Variants in TRIM4 observed in about 807,000 individuals in gnomAD.
TRIM4 encodes tripartite motif containing 4.
A neutral mutation model predicts 33.7 loss-of-function variants in TRIM4; 29 were observed. That is an observed-to-expected ratio of 0.86 (90% CI 0.64 to 1.17). The LOEUF (loss-of-function observed/expected upper bound fraction) is 1.17. TRIM4 is among the 50% of genes most tolerant of loss of function. The pLI is 0.00. For missense variants in TRIM4, 554 were observed against 593.7 expected, an observed-to-expected ratio of 0.93 and a Z score of 0.69; for synonymous variants, 224 against 233.0, an observed-to-expected ratio of 0.96 and a Z score of 0.35.
intron 3 of TRIM4, among the ~76,000 whole-genome samples, chr7:99,906,552 T>C (rs1332519751): frequency 2.0e-5 from 3 of 152,180 alleles, no homozygotes; most frequent in Admixed American, 2.0e-4. Flanking sequence ...TGTCAAAATC[T>C]GTGGAATACA....
In TRIM4 at chr7:99,908,755, A is replaced by G. The variant is rs200389520; in HGVS notation, c.547T>C (p.Phe183Leu). Residue 183 changes from phenylalanine (F) to leucine (L), a missense_variant, in exon 3 of 6, where the codon TTC becomes CTC. By Grantham distance (22) the Phe-to-Leu change is conservative. Around this residue, in one of 3 missense-constraint regions of TRIM4, gnomAD observed 31 missense variants for 54.8 expected, o/e 0.57. Coordinates refer to ENST00000349062, the MANE Select transcript of TRIM4 (RefSeq NM_033091.3). The part of the protein sequence containing the change: ...ISTEFSKLHN[F>L]LVEEEDLFLQ... ...AACAGGTCCTCTTCTTCAACCAGGA[A>G]GTTGTGCAGCTTTGAAAACTCCGTG... The G allele has an allele frequency of 1.5e-5, 24 of 1,614,060 alleles. No homozygotes were observed. The highest frequency in any genetic ancestry group is 1.9e-5 in the Non-Finnish European group (23 of 1,180,040).
At chr7:99,895,331 C>G (rs1818992463) in intron 5 of TRIM4, among the ~76,000 whole-genome samples, 2 of 152,054 alleles carry the variant, frequency 1.3e-5, no homozygotes, top group Non-Finnish European at 2.9e-5. Context: ...ACTAAAAAGT[C>G]TATTATTTAG....
At position 99,892,287 on chromosome 7, in the gene TRIM4, TAGA is replaced by T. The variant is rs1382015660; in HGVS notation, c.1298_1300del (p.Phe433del). On this transcript the variant is annotated inframe_deletion, in exon 6 of 6. Coordinates refer to ENST00000349062, the MANE Select transcript of TRIM4 (RefSeq NM_033091.3). ...CAGGTGCACTCCGTCCACAGCGCTG[TAGA>T]AGGAGACATTCCCAGTCCCACGATC... 11 of 1,613,802 alleles carry T rather than the reference TAGA, an allele frequency of 6.8e-6. No homozygotes were observed. The highest frequency in any genetic ancestry group is 1.1e-5 in the South Asian group (1 of 91,058).
At chr7:99,917,764 G>A in intron 1 of TRIM4, 1 of 920,244 alleles carries the variant, frequency 1.1e-6, no homozygotes, top group Non-Finnish European at 1.3e-6. Flanking sequence ...ATGTGTTCAT[G>A]TACTTACTGC....
At chr7:99,899,371 T>C (rs1819101334) in intron 5 of TRIM4, among the ~76,000 whole-genome samples, 1 of 152,176 alleles carries the variant, frequency 6.6e-6, no homozygotes, top group Non-Finnish European at 1.5e-5. Context: ...AGTGGTTTGT[T>C]TTCCTGTCCA....
intron 1 of TRIM4, among the ~76,000 whole-genome samples, chr7:99,917,432 G>C (rs1192278719): frequency 6.6e-6 from 1 of 152,158 alleles, no homozygotes; most frequent in Non-Finnish European, 1.5e-5. Flanking sequence ...TTAAATTCAT[G>C]TGTTTGGCCA....
intron 5 of TRIM4, among the ~76,000 whole-genome samples, chr7:99,900,853 T>A (rs1819148587): frequency 6.6e-6 from 1 of 152,214 alleles, no homozygotes; most frequent in South Asian, 2.1e-4. Flanking sequence ...TCTCCCCTGG[T>A]TGCATTTAAG....
At position 99,909,677 on chromosome 7, in the gene TRIM4, A is replaced by C; in HGVS notation, c.394-17T>G. ...AAGTTTCTCCTGCCAGCAGAAACAC[A>C]CACAGGTAAGAAAACACATCTCCAA... On this transcript the variant is annotated splice_polypyrimidine_tract_variant and intron_variant, in intron 1 of 5. Transcript: ENST00000349062. 3 of 1,596,870 alleles carry C rather than the reference A, an allele frequency of 1.9e-6. No individual in the cohort carries two copies. The highest frequency in any genetic ancestry group is 2.6e-6 in the Non-Finnish European group (3 of 1,167,110).
chr7:99,914,656 C>A (rs890259990), intron 1 of TRIM4, among the ~76,000 whole-genome samples: 2 of 152,090 alleles, frequency 1.3e-5, no homozygotes, highest in African/African-American at 2.4e-5. Context: ...CTTCTTCCTA[C>A]CCCATAAACA....
intron 1 of TRIM4, among the ~76,000 whole-genome samples, chr7:99,911,499 G>T (rs911812006): frequency 2.0e-5 from 3 of 151,870 alleles, no homozygotes; most frequent in African/African-American, 7.3e-5. Flanking sequence ...TAAAAGAAAA[G>T]AAATGATTAG....
In TRIM4 at chr7:99,908,677, T is replaced by G; in HGVS notation, c.625A>C (p.Asn209His). 1 of 1,614,212 alleles carries G rather than the reference T, an allele frequency of 6.2e-7. No homozygotes were observed. Among genetic ancestry groups the G allele is most frequent in the South Asian group, 1.1e-5 (1 of 91,082 alleles). ...EEETKKKLNENTLKLNQTIAS... is the reference protein window; with the variant it reads ...EEETKKKLNEHTLKLNQTIAS... The stretch of plus-strand genomic sequence containing the variant: ...ATAGTTTGATTGAGTTTTAACGTGT[T>G]CTCATTCAGCTTCTTCTTCGTCTCT... Residue 209 changes from asparagine (N) to histidine (H), a missense_variant, in exon 3 of 6, where the codon AAC (asparagine) becomes CAC (histidine). Physicochemically the swap from Asn to His is moderately conservative, Grantham distance 68 (BLOSUM62 1). Around this residue, in one of 3 missense-constraint regions of TRIM4, gnomAD observed 290 missense variants for 335.8 expected, o/e 0.86. Coordinates refer to ENST00000349062, the MANE Select transcript of TRIM4 (RefSeq NM_033091.3).
intron 1 of TRIM4, among the ~76,000 whole-genome samples, chr7:99,911,637 G>T (rs1819444351): frequency 6.6e-6 from 1 of 152,128 alleles, no homozygotes; most frequent in Admixed American, 6.5e-5. Context: ...TAACTGACAA[G>T]GTTGATAACA....
chr7:99,912,696 T>C (rs1819473923), intron 1 of TRIM4, among the ~76,000 whole-genome samples: 1 of 152,222 alleles, frequency 6.6e-6, no homozygotes, highest in Non-Finnish European at 1.5e-5. Context: ...AAGAGTCAAA[T>C]GTTAATGGTA....
At chr7:99,897,192 A>C (rs1819036057) in intron 5 of TRIM4, among the ~76,000 whole-genome samples, 1 of 152,174 alleles carries the variant, frequency 6.6e-6, no homozygotes, top group African/African-American at 2.4e-5. Context: ...GAGTCCATAG[A>C]GGTTCCCATC....
rs552135203 is a variant in TRIM4, at chr7:99,903,671, G to C, written c.721-73C>G. 33 of 1,569,688 alleles carry C rather than the reference G, an allele frequency of 2.1e-5. No individual in the cohort carries two copies. The South Asian group carries it at 3.6e-4, about 17-fold the overall frequency. On this transcript the variant is annotated intron_variant, in intron 3 of 5. Coordinates refer to ENST00000349062, the MANE Select transcript of TRIM4 (RefSeq NM_033091.3). Reference sequence around the variant, plus strand: ...GACCTGGAATACAACTGTGTGAGCAGGTATTTTCTGACGGTTGCATTTGCT... The same window carrying C: ...GACCTGGAATACAACTGTGTGAGCACGTATTTTCTGACGGTTGCATTTGCT...
Position 99,915,548 on chromosome 7 carries a change from A to G in TRIM4, c.393+3461T>C, listed in dbSNP as rs1819536785. On this transcript the variant is annotated intron_variant, in intron 1 of 5. Transcript: ENST00000349062. ...TCCAGCTATCCAACTTTTAAAACAC[A>G]GTCCATCCATCTGAGTATATGCTGA... Among the ~76,000 whole-genome samples the G allele has an allele frequency of 1.3e-5, 2 of 152,174 alleles. 1 individual carries two copies. The highest frequency in any genetic ancestry group is 4.1e-4 in the South Asian group (2 of 4,826).
intron 5 of TRIM4, among the ~76,000 whole-genome samples, chr7:99,898,345 C>T (rs1472709905): frequency 6.6e-6 from 1 of 152,218 alleles, no homozygotes; most frequent in East Asian, 1.9e-4. Flanking sequence ...ACAAGCTAAA[C>T]TCTTAATGTG....
intron 5 of TRIM4, among the ~76,000 whole-genome samples, chr7:99,897,499 CATT>C (rs768441027): frequency 6.6e-6 from 1 of 152,128 alleles, no homozygotes; most frequent in Non-Finnish European, 1.5e-5. Flanking sequence ...CTGATTTTAT[CATT>C]ATGCACTGTA....
intron 1 of TRIM4, among the ~76,000 whole-genome samples, chr7:99,913,969 G>A (rs1169306593): frequency 2.6e-5 from 4 of 152,146 alleles, no homozygotes; most frequent in African/African-American, 7.2e-5. Context: ...TGGACCAAAT[G>A]TCTCTTAAAT....
Sources: allele counts gnomAD v4.1 joint callset (sites outside exome capture counted in the v4.1 genomes callset), GRCh38; gene constraint gnomAD v4.1.1; regional missense constraint gnomAD v4.1.1; transcripts MANE v1.5; gene names NCBI Gene and HGNC (gene_info 2026-07-23, HGNC 2026-07-21).